The following MTREX variants were observed in gnomAD, a reference collection of about 807,000 sequenced individuals.
MTREX encodes Mtr4 exosome RNA helicase.
A neutral mutation model predicts 135.4 loss-of-function variants in MTREX; 76 were observed. The observed-to-expected ratio is 0.56, with a 90% CI of 0.47 to 0.68. The LOEUF is 0.68. Among genes scored for constraint, MTREX ranks in the 30% least tolerant of loss-of-function variants. The pLI, the probability that MTREX is intolerant of heterozygous loss-of-function variation, is 0.00. For synonymous variants in MTREX, 404 were observed against 401.6 expected, an observed-to-expected ratio of 1.01 and a Z score of -0.07; for missense variants, 920 against 1,262.1, an observed-to-expected ratio of 0.73 and a Z score of 4.11.
chr5:55,347,973 C>T (rs945631647), intron 11 of MTREX, among the ~76,000 whole-genome samples: 3 of 152,166 alleles, frequency 2.0e-5, no homozygotes, highest in African/African-American at 7.2e-5. Context: ...GAGAGCAGCA[C>T]AGGAAAGAGA....
rs765057070 is a variant in MTREX, at chr5:55,327,774, C to T, written c.398C>T (p.Ala133Val). Residue 133 changes from alanine to valine, a missense_variant, in exon 4 of 27, where the codon GCT (alanine) becomes GTT (valine). Around this residue, in one of 6 missense-constraint regions of MTREX, gnomAD observed 82 missense variants for 107.4 expected, o/e 0.76. Transcript: ENST00000230640. ...LPLKPRVGKAAKEYPFILDAF... is the reference protein window; with the variant it reads ...LPLKPRVGKAVKEYPFILDAF... ...CTTAAACCACGAGTTGGAAAAGCTG[C>T]TAAGGTCTGTACTTTGGGTAATACA... The T allele has an allele frequency of 1.2e-6, 2 of 1,610,750 alleles. No homozygotes were observed. Among genetic ancestry groups the T allele is most frequent in the Non-Finnish European group, 8.5e-7 (1 of 1,177,192 alleles).
chr5:55,425,317 A>G lies in MTREX; in HGVS notation c.*545A>G, dbSNP rs148300670. 78 of 1,605,040 alleles carry G rather than the reference A, an allele frequency of 4.9e-5. No individual in the cohort carries two copies. In the Middle Eastern group the frequency reaches 1.2e-3, roughly 24 times the overall value. On this transcript the variant is annotated 3_prime_UTR_variant, in exon 27 of 27. Transcript: ENST00000230640. ...TAAAAGAAGTTCTTTCTTTGAAGAA[A>G]TCCGATACATATACAGCCTACAGTG...
At chr5:55,341,807 C>A in intron 7 of MTREX, 36 bp downstream of exon 7, 1 of 1,020,958 alleles carries the variant, frequency 9.8e-7, no homozygotes, top group Non-Finnish European at 1.5e-6. Flanking sequence ...CATGTATTTC[C>A]CTTCAGAATG....
intron 25 of MTREX, among the ~76,000 whole-genome samples, chr5:55,421,639 A>T (rs1352112273): frequency 6.6e-6 from 1 of 152,216 alleles, no homozygotes; most frequent in East Asian, 1.9e-4. Flanking sequence ...TTGTGAAATA[A>T]TAATATCACA....
intron 1 of MTREX, 72 bp from the exon 2 acceptor site, chr5:55,322,255 A>T: frequency 7.7e-7 from 1 of 1,292,814 alleles, no homozygotes; most frequent in Non-Finnish European, 1.1e-6. Context: ...GGTATAGAGC[A>T]GTATTTTATG....
At chr5:55,348,603 T>C (rs1749775985) in intron 11 of MTREX, among the ~76,000 whole-genome samples, 1 of 152,250 alleles carries the variant, frequency 6.6e-6, no homozygotes, top group Non-Finnish European at 1.5e-5. Flanking sequence ...TATCTGTGCA[T>C]TTTAAAGCTA....
chr5:55,385,519 T>A (rs773911637), intron 18 of MTREX, among the ~76,000 whole-genome samples: 2 of 152,142 alleles, frequency 1.3e-5, no homozygotes, highest in Non-Finnish European at 2.9e-5. Flanking sequence ...CCTTCTGTAT[T>A]TTTGGCTTCA....
At chr5:55,343,522 T>TCCCTTTGCTTTTCTCC in intron 8 of MTREX, 67 bp downstream of exon 8, 2 of 1,388,732 alleles carry the variant, frequency 1.4e-6, no homozygotes, top group Non-Finnish European at 2.0e-6. Flanking sequence ...TGCTTTACTC[T>TCCCTTTGCTTTTCTCC]CCCTTTGCTT....
At position 55,424,874 on chromosome 5, in the gene MTREX, T is replaced by TAATA. The variant is rs1751126298; in HGVS notation, c.*103_*106dup. 1.3e-6 allele frequency: 1 copy of TAATA among 777,472 alleles called. No individual in the cohort carries two copies. The highest frequency in any genetic ancestry group is 2.2e-6 in the Non-Finnish European group (1 of 459,458). 48.2% of individuals were successfully genotyped at this position (777,472 alleles called of 1,614,324 possible). A position where few individuals can be genotyped will look rare whatever the true frequency, so the allele number is the denominator to read the frequency against. On this transcript the variant is annotated 3_prime_UTR_variant, in exon 27 of 27. Transcript: ENST00000230640. ...GTGGATTTGGTTCTCCCATACATTT[T>TAATA]AATATGTATTATATTTAAATCAAAC...
In MTREX at chr5:55,345,149, G is replaced by A; in HGVS notation, c.1061G>A (p.Gly354Asp). Residue 354 changes from glycine to aspartate, a missense_variant, in exon 10 of 27, where the codon GGT (glycine) becomes GAT (aspartate). Gly to Asp is a moderately conservative substitution (Grantham distance 94). This residue lies in a region of MTREX where 101 missense variants were observed against 119.1 expected (regional missense o/e 0.85). Coordinates refer to ENST00000230640, the MANE Select transcript of MTREX (RefSeq NM_015360.5). ...NTAMQVLRDA[G>D]DLAKGDQKGR... Reference sequence around the variant, plus strand: ...GCAATGCAAGTGCTTCGAGATGCAGGTGATTTGGCCAAAGGAGACCAGAAA... The same window carrying A: ...GCAATGCAAGTGCTTCGAGATGCAGATGATTTGGCCAAAGGAGACCAGAAA... The A allele has an allele frequency of 6.2e-7, 1 of 1,613,670 alleles. No homozygotes were observed. The highest frequency in any genetic ancestry group is 1.1e-5 in the South Asian group (1 of 91,022).
At chr5:55,364,039 G>A (rs1279386382) in intron 15 of MTREX, among the ~76,000 whole-genome samples, 82 of 152,188 alleles carry the variant, frequency 5.4e-4, no homozygotes, top group Non-Finnish European at 7.3e-5. Context: ...TGGACTAGAT[G>A]GTTGTGGTCT....
Position 55,387,077 on chromosome 5 carries a change from A to G in MTREX, c.2053-897A>G, listed in dbSNP as rs530242260. 8.5e-5 allele frequency among the ~76,000 whole-genome samples: 13 copies of G among 152,252 alleles called. No homozygotes were observed. In the East Asian group the frequency reaches 2.3e-3, roughly 27 times the overall value. ...AGGAATGTTTTGCAGCTTCCTTTAA[A>G]ATAACCACATTTTGAACTAATGTAT... is the stretch of plus-strand genomic sequence containing the variant. On this transcript the variant is annotated intron_variant, in intron 18 of 26. Transcript: ENST00000230640.
At chr5:55,342,929 T>G (rs1366501399) in intron 7 of MTREX, among the ~76,000 whole-genome samples, 14 of 152,312 alleles carry the variant, frequency 9.2e-5, no homozygotes, top group African/African-American at 2.4e-5. Flanking sequence ...CAAGGATAAT[T>G]TGGGTGAACG....
Position 55,366,815 on chromosome 5 carries a change from A to G in MTREX, c.1750A>G (p.Met584Val), listed in dbSNP as rs1750112160. 6.2e-7 allele frequency: 1 copy of G among 1,610,180 alleles called. No individual in the cohort carries two copies. The highest frequency in any genetic ancestry group is 1.7e-5 in the Admixed American group (1 of 59,564). Reference protein sequence around the residue: ...LRVEEINPEYMLEKSFYQFQH... With the variant: ...LRVEEINPEYVLEKSFYQFQH... ...TGTAGAAGAAATTAATCCTGAGTAC[A>G]TGTTGGAAAAATCCTTCTACCAGTT... Residue 584 changes from methionine (M) to valine (V), a missense_variant, in exon 16 of 27, where the codon ATG (methionine) becomes GTG (valine). By Grantham distance (21) the Met-to-Val change is conservative. Around this residue, in one of 6 missense-constraint regions of MTREX, gnomAD observed 467 missense variants for 589.7 expected, o/e 0.79. Transcript: ENST00000230640.
Position 55,344,672 on chromosome 5 carries a change from A to G in MTREX, c.1005+52A>G, listed in dbSNP as rs574770928. ...TCTATAATGTCATACTTTATTATTA[A>G]TATCTTGTTGTTGTTGTTTTTAAAT... On this transcript the variant is annotated intron_variant, in intron 9 of 26. Coordinates refer to ENST00000230640, the MANE Select transcript of MTREX (RefSeq NM_015360.5). 4.8e-6 allele frequency: 5 copies of G among 1,034,014 alleles called. No individual in the cohort carries two copies. The South Asian group carries it at 7.8e-5, about 16-fold the overall frequency. 64.1% of individuals were successfully genotyped at this position (1,034,014 alleles called of 1,614,324 possible).
intron 4 of MTREX, 135 bp downstream of exon 4, chr5:55,327,913 A>G: frequency 1.7e-6 from 1 of 590,646 alleles, no homozygotes; most frequent in Non-Finnish European, 3.0e-6. Context: ...ACTAAAGACA[A>G]ATATAATGAG....
At chr5:55,389,362 T>C (rs1750528452) in intron 19 of MTREX, among the ~76,000 whole-genome samples, 1 of 152,184 alleles carries the variant, frequency 6.6e-6, no homozygotes, top group South Asian at 2.1e-4. Flanking sequence ...ACTCTTACAC[T>C]GAAAGCTCAG....
chr5:55,348,761 G>A (rs1312889164), intron 11 of MTREX, among the ~76,000 whole-genome samples: 1 of 152,092 alleles, frequency 6.6e-6, no homozygotes, highest in African/African-American at 2.4e-5. Context: ...TAAACTTAAA[G>A]TTGCAGGGTT....
chr5:55,340,980 G>A (rs1292175769), intron 6 of MTREX, among the ~76,000 whole-genome samples: 1 of 152,128 alleles, frequency 6.6e-6, no homozygotes, highest in Non-Finnish European at 1.5e-5. Context: ...TTTTGGACAT[G>A]ATTAGTTACC....
Sources: gnomAD v4.1 joint callset for allele counts (sites outside exome capture counted in the v4.1 genomes callset) on GRCh38, gnomAD v4.1.1 for gene constraint, gnomAD v4.1.1 regional missense constraint, MANE v1.5 for transcripts, NCBI Gene and HGNC (gene_info 2026-07-23, HGNC 2026-07-21) for gene names.